PATJ: variants seen among roughly 807,000 people sequenced by gnomAD.
PATJ encodes PATJ crumbs cell polarity complex component, also known as inaD-like protein.
PATJ carries 190 observed loss-of-function variants against 224.9 expected under a neutral mutation model. That is an observed-to-expected ratio of 0.84 (90% confidence interval 0.75 to 0.95). The LOEUF (loss-of-function observed/expected upper bound fraction) is 0.95. Among genes scored for constraint, PATJ ranks in the 40% least tolerant of loss-of-function variants. PATJ has a pLI of 0.00. For synonymous variants in PATJ, 769 were observed against 820.3 expected (o/e 0.94, Z 1.07); for missense variants, 2,121 against 2,270.3 (o/e 0.93, Z 1.34).
chr1:61,759,103 T>C (rs1355103444), intron 1 of PATJ, among the ~76,000 whole-genome samples: 1 of 152,244 alleles, frequency 6.6e-6, no homozygotes, highest in Non-Finnish European at 1.5e-5. Context: ...GGAAGTCAGC[T>C]GTCATGCAGG....
chr1:62,038,666 AG>A (rs1650895451), intron 30 of PATJ: 1 of 246,098 alleles, frequency 4.1e-6, no homozygotes, highest in Non-Finnish European at 8.0e-6. Flanking sequence ...TACCTCCCTA[AG>A]GAAGTTAACG....
chr1:61,918,745 T>G (rs998667037), intron 26 of PATJ, among the ~76,000 whole-genome samples: 1 of 152,238 alleles, frequency 6.6e-6, no homozygotes, highest in South Asian at 2.1e-4. Context: ...GGAGGATTGC[T>G]TTAGCCCAGA....
At chr1:61,876,518 C>T (rs1448968453) in intron 21 of PATJ, among the ~76,000 whole-genome samples, 7 of 151,782 alleles carry the variant, frequency 4.6e-5, no homozygotes, top group Non-Finnish European at 5.9e-5. Context: ...AAACTTAGCA[C>T]GATTTTGGAC....
At chr1:61,881,008 C>T (rs1159633095) in intron 21 of PATJ, among the ~76,000 whole-genome samples, 16 of 152,198 alleles carry the variant, frequency 1.1e-4, no homozygotes, top group East Asian at 1.9e-4. Flanking sequence ...GCAGGAGAAT[C>T]GCTTGAACCT....
chr1:61,773,913 G>A (rs1212014381), intron 6 of PATJ, among the ~76,000 whole-genome samples: 2 of 151,970 alleles, frequency 1.3e-5, no homozygotes, highest in Non-Finnish European at 2.9e-5. Flanking sequence ...GAGGTCAGGA[G>A]ATCGAGATCA....
At chr1:62,160,504 T>C (rs1669740331) in intron 43 of PATJ, among the ~76,000 whole-genome samples, 1 of 152,224 alleles carries the variant, frequency 6.6e-6, no homozygotes, top group Non-Finnish European at 1.5e-5. Context: ...ATGGGAACTC[T>C]GTATAATGGT....
chr1:61,997,998 AATATAT>A (rs1367364132), intron 28 of PATJ, among the ~76,000 whole-genome samples: 18 of 92,606 alleles, frequency 1.9e-4, no homozygotes, highest in African/African-American at 7.7e-4. Context: ...ATGTATATAT[AATATAT>A]TATATATATT....
intron 27 of PATJ, among the ~76,000 whole-genome samples, chr1:61,928,622 C>G (rs1013421911): frequency 6.6e-6 from 1 of 151,994 alleles, no homozygotes; most frequent in Non-Finnish European, 1.5e-5. Context: ...TAAATATGCC[C>G]TCCTCTATAA....
chr1:61,795,122 AG>A (rs1370366241), intron 9 of PATJ, among the ~76,000 whole-genome samples: 6 of 149,558 alleles, frequency 4.0e-5, no homozygotes, highest in East Asian at 1.9e-4. Flanking sequence ...AAAAAAAAAA[AG>A]AAGTTTTATG....
intron 27 of PATJ, among the ~76,000 whole-genome samples, chr1:61,934,472 C>A (rs11804945): frequency 0.024 from 3,606 of 152,234 alleles, 137 homozygotes; most frequent in African/African-American, 0.082. Flanking sequence ...ATCACAGTCT[C>A]TTGAGTACCT....
intron 30 of PATJ, among the ~76,000 whole-genome samples, chr1:62,044,034 G>A (rs1181049176): frequency 6.6e-6 from 1 of 152,126 alleles, no homozygotes; most frequent in Non-Finnish European, 1.5e-5. Flanking sequence ...CCAACATGAT[G>A]TTTTGAAATA....
At chr1:62,154,860 T>C (rs1456575969) in intron 43 of PATJ, among the ~76,000 whole-genome samples, 1 of 152,180 alleles carries the variant, frequency 6.6e-6, no homozygotes, top group Non-Finnish European at 1.5e-5. Flanking sequence ...TTGGACCACA[T>C]TGAGCAGCTG....
chr1:61,770,416 C>T (rs1646532183), intron 5 of PATJ, among the ~76,000 whole-genome samples: 1 of 152,092 alleles, frequency 6.6e-6, no homozygotes, highest in Non-Finnish European at 1.5e-5. Flanking sequence ...TGATAAGATG[C>T]TAGGCTTGTC....
intron 8 of PATJ, among the ~76,000 whole-genome samples, chr1:61,788,871 T>G (rs1649161505): frequency 6.6e-6 from 1 of 151,966 alleles, no homozygotes; most frequent in Non-Finnish European, 1.5e-5. Flanking sequence ...ATGGAGTTTC[T>G]CCATGTTGGT....
At chr1:61,826,115 G>A (rs572197351) in intron 15 of PATJ, among the ~76,000 whole-genome samples, 27 of 152,350 alleles carry the variant, frequency 1.8e-4, no homozygotes, top group Non-Finnish European at 3.1e-4. Flanking sequence ...TAAAGTGCAC[G>A]TGGGTCTCTT....
intron 25 of PATJ, among the ~76,000 whole-genome samples, chr1:61,913,993 A>C (rs1025883104): frequency 6.6e-6 from 1 of 152,192 alleles, no homozygotes; most frequent in Admixed American, 6.5e-5. Flanking sequence ...AGAAACCTGC[A>C]TTTTTATGCC....
At chr1:62,081,504 C>G (rs979411758) in intron 32 of PATJ, among the ~76,000 whole-genome samples, 5 of 152,106 alleles carry the variant, frequency 3.3e-5, no homozygotes, top group African/African-American at 1.2e-4. Flanking sequence ...AGGTTTTTTT[C>G]TCTCTTCTCA....
At chr1:61,908,534 C>A in intron 25 of PATJ, 52 bp downstream of exon 25, 1 of 1,096,146 alleles carries the variant, frequency 9.1e-7, no homozygotes, top group South Asian at 1.3e-5. Context: ...TGTATACCTG[C>A]AGACCAAGCT....
chr1:61,769,587 C>A (rs868569418), intron 5 of PATJ, among the ~76,000 whole-genome samples, 165 bp downstream of exon 5: 13 of 152,268 alleles, frequency 8.5e-5, no homozygotes, highest in Middle Eastern at 3.4e-3. Flanking sequence ...AAATCCTATA[C>A]CCCATGGCAG....
Sources: gnomAD v4.1 joint callset for allele counts (sites outside exome capture counted in the v4.1 genomes callset) on GRCh38, gnomAD v4.1.1 for gene constraint, MANE v1.5 for transcripts, NCBI Gene and HGNC (gene_info 2026-07-23, HGNC 2026-07-21) for gene names.